Variants in IL7 observed in about 807,000 individuals in gnomAD.
The protein encoded by IL7 is interleukin-7.
Under a neutral mutation model 21.6 loss-of-function variants are expected in IL7, and 3 were observed. The observed-to-expected ratio is 0.14, with a 90% CI of 0.06 to 0.36. The LOEUF is 0.36. IL7 is among the 10% of genes least tolerant of loss of function. The probability of loss-of-function intolerance (pLI) is 1.00; values close to 1 mark genes in which losing one functional copy is unlikely to be tolerated. For missense variants in IL7, 175 were observed against 200.2 expected (o/e 0.87, Z 0.76); for synonymous variants, 62 against 68.1 (o/e 0.91, Z 0.44).
chr8:78,774,047 T>A (rs762462519), intron 2 of IL7, among the ~76,000 whole-genome samples: 1 of 152,044 alleles, frequency 6.6e-6, no homozygotes, highest in African/African-American at 2.4e-5. Context: ...ACCTTATTAA[T>A]CATGTTCTAC....
rs182977004 is a variant in IL7, at chr8:78,678,558, A to G, written n.274-2454T>C. On this transcript the variant is annotated intron_variant and non_coding_transcript_variant, in intron 4 of 4. Transcript: ENST00000523959. The stretch of plus-strand genomic sequence containing the variant: ...ATGATAGGCTGCATTTCTTTATCTT[A>G]ACAGAAAAAACATGGACCCATTTGC... 39 of 1,601,534 alleles carry G rather than the reference A, an allele frequency of 2.4e-5. 1 individual carries two copies. The Admixed American group carries it at 5.2e-4, about 21-fold the overall frequency.
At chr8:78,696,970 T>A (rs1281418590) in intron 3 of IL7, among the ~76,000 whole-genome samples, 2 of 152,226 alleles carry the variant, frequency 1.3e-5, no homozygotes, top group South Asian at 2.1e-4. Flanking sequence ...TAGACCTTTT[T>A]TTCTTTTTCC....
intron 3 of IL7, among the ~76,000 whole-genome samples, chr8:78,706,466 G>A (rs1471402321): frequency 6.6e-6 from 1 of 152,132 alleles, no homozygotes. Flanking sequence ...CTTCACAAGG[G>A]CGTCTCTTGA....
At chr8:78,713,114 TTCCAAAATTAAACC>T (rs2130608272), downstream of IL7, among the ~76,000 whole-genome samples, 1 of 152,090 alleles carries the variant, frequency 6.6e-6, no homozygotes, top group East Asian at 1.9e-4. Context: ...TTAAGTACAA[TTCCAAAATTAAACC>T]TTCTTTAATT....
chr8:78,704,059 T>A (rs1427564469), intron 3 of IL7, among the ~76,000 whole-genome samples: 1 of 152,180 alleles, frequency 6.6e-6, no homozygotes, highest in Non-Finnish European at 1.5e-5. Context: ...TTTGGCCTGA[T>A]ATGAAATTTT....
In IL7 at chr8:78,798,041, A is replaced by G. The variant is rs1813920601; in HGVS notation, c.147+31T>C. The stretch of plus-strand genomic sequence containing the variant: ...AAGGTTCAAATTTTCCCAATGCATG[A>G]AAATGTGAGTAAAACAAAATAATCA... On this transcript the variant is annotated intron_variant, in intron 2 of 5. Coordinates refer to ENST00000263851, the MANE Select transcript of IL7 (RefSeq NM_000880.4). 3.2e-6 allele frequency: 5 copies of G among 1,560,450 alleles called. No individual in the cohort carries two copies. The South Asian group carries it at 6.0e-5, about 19-fold the overall frequency.
At chr8:78,698,047 G>T (rs931060113) in intron 3 of IL7, among the ~76,000 whole-genome samples, 1 of 152,072 alleles carries the variant, frequency 6.6e-6, no homozygotes, top group Admixed American at 6.6e-5. Context: ...CATCTGTTCA[G>T]AATAGTCAGC....
intron 2 of IL7, chr8:78,760,571 G>A (rs935402265): frequency 2.6e-6 from 4 of 1,553,230 alleles, no homozygotes; most frequent in Non-Finnish European, 3.5e-6. Context: ...TTCCTCCAAA[G>A]TATTGAATTT....
chr8:78,804,077 CAGTA>C (rs1814196919), intron 1 of IL7, among the ~76,000 whole-genome samples: 1 of 151,962 alleles, frequency 6.6e-6, no homozygotes, highest in Non-Finnish European at 1.5e-5. Flanking sequence ...TTTTTAATTC[CAGTA>C]AGTTTTTTGG....
intron 2 of IL7, among the ~76,000 whole-genome samples, chr8:78,768,343 C>T (rs1812829333): frequency 6.6e-6 from 1 of 151,742 alleles, no homozygotes; most frequent in African/African-American, 2.4e-5. Flanking sequence ...GAGGAATCGC[C>T]ACACTGACTT....
intron 4 of IL7, chr8:78,679,354 A>G (rs985150305): frequency 1.3e-5 from 2 of 152,154 alleles, no homozygotes; most frequent in Non-Finnish European, 2.9e-5. Flanking sequence ...TGGATACTCA[A>G]ACTCCTTATG....
intron 3 of IL7, among the ~76,000 whole-genome samples, chr8:78,690,173 AG>A (rs201526831): frequency 0.051 from 7,780 of 152,292 alleles, 277 homozygotes; most frequent in Middle Eastern, 0.082. Context: ...CCTGTCCTTT[AG>A]TCAATACCGC....
intron 2 of IL7, among the ~76,000 whole-genome samples, chr8:78,769,678 A>G: frequency 6.6e-6 from 1 of 152,196 alleles, no homozygotes; most frequent in Non-Finnish European, 1.5e-5. Flanking sequence ...GAATTGGAAA[A>G]AACTACTTTT....
intron 2 of IL7, among the ~76,000 whole-genome samples, chr8:78,791,163 G>A (rs955640971): frequency 5.9e-5 from 9 of 152,100 alleles, no homozygotes; most frequent in Non-Finnish European, 1.3e-4. Flanking sequence ...TGGCTTTATA[G>A]GAAAACTATT....
rs537699432 is a variant in IL7 at position 78,794,922 on chromosome 8, G to C, written c.147+3150C>G. 9.9e-5 allele frequency among the ~76,000 whole-genome samples: 15 copies of C among 152,092 alleles called. No individual in the cohort carries two copies. The South Asian group carries it at 3.1e-3, about 32-fold the overall frequency. On this transcript the variant is annotated intron_variant, in intron 2 of 5. Transcript: ENST00000263851. ...AAACCCAACATCACCTACACAAATG[G>C]GTTTTTCATAGTAACTTGTACATAT...
intron 4 of IL7, among the ~76,000 whole-genome samples, chr8:78,737,240 C>T (rs1357058154): frequency 6.6e-6 from 1 of 152,098 alleles, no homozygotes; most frequent in African/African-American, 2.4e-5. Context: ...GTTTTACACT[C>T]TTTTCAGTTG....
Position 78,761,643 on chromosome 8 carries a change from T to C in IL7, c.148-21561A>G, listed in dbSNP as rs970267057. 11 of 1,611,928 alleles carry C rather than the reference T, an allele frequency of 6.8e-6. No homozygotes were observed. In the Admixed American group the frequency reaches 8.3e-5, roughly 12 times the overall value. On this transcript the variant is annotated intron_variant, in intron 2 of 5. Transcript: ENST00000263851. ...ATGTCCACTACATCGTCAGTGATAA[T>C]GGAAAAGACGTGTGAGTCTCTCACT...
At chr8:78,698,262 C>T in intron 3 of IL7, 1 of 592,964 alleles carries the variant, frequency 1.7e-6, no homozygotes, top group Non-Finnish European at 2.9e-6. Context: ...TATATGTCGT[C>T]CTCTGGAAAT....
At position 78,781,851 on chromosome 8, in the gene IL7, A is replaced by G. The variant is rs146143711; in HGVS notation, c.147+16221T>C. 8.8e-3 allele frequency among the ~76,000 whole-genome samples: 1,332 copies of G among 152,102 alleles called. 14 individuals carry two copies. Among genetic ancestry groups the G allele is most frequent in the African/African-American group, 0.03 (1,255 of 41,474 alleles). On this transcript the variant is annotated intron_variant, in intron 2 of 5. Transcript: ENST00000263851. ...TCAATTCTCCCCATCTCTTTCACGTACCCCAATCAGGCGTAGGTTTTGTGG... is the reference window on the plus strand; with the variant it reads ...TCAATTCTCCCCATCTCTTTCACGTGCCCCAATCAGGCGTAGGTTTTGTGG...
Sources: gnomAD v4.1 joint callset for allele counts (sites outside exome capture counted in the v4.1 genomes callset) on GRCh38, gnomAD v4.1.1 for gene constraint, MANE v1.5 for transcripts, NCBI Gene and HGNC (gene_info 2026-07-23, HGNC 2026-07-21) for gene names.